AGBL4: variants seen among roughly 807,000 people sequenced by gnomAD.
AGBL4 encodes AGBL carboxypeptidase 4.
AGBL4 carries 58 observed loss-of-function variants against 66.4 expected under a neutral mutation model. The ratio of observed to expected loss-of-function variants is 0.87; its 90% confidence interval spans 0.71 to 1.09. The LOEUF is 1.09. Among genes scored for constraint, AGBL4 ranks in the 50% least tolerant of loss-of-function variants. AGBL4 has a pLI of 0.00. For synonymous variants in AGBL4, 234 were observed against 222.9 expected (o/e 1.05, Z -0.44); for missense variants, 579 against 631.0 (o/e 0.92, Z 0.88).
chr1:49,843,057 T>A (rs1434831878), intron 2 of AGBL4, among the ~76,000 whole-genome samples: 1 of 152,120 alleles, frequency 6.6e-6, no homozygotes, highest in African/African-American at 2.4e-5. Flanking sequence ...CCCATTGGCA[T>A]CAGGTGGGAA....
At chr1:49,198,350 A>T (rs916253409) in intron 4 of AGBL4, among the ~76,000 whole-genome samples, 3 of 151,970 alleles carry the variant, frequency 2.0e-5, no homozygotes, top group Non-Finnish European at 2.9e-5. Flanking sequence ...TTAATTAATT[A>T]ATTTATTCGA....
chr1:49,020,761 C>A (rs1316638208), intron 5 of AGBL4, among the ~76,000 whole-genome samples: 1 of 152,124 alleles, frequency 6.6e-6, no homozygotes, highest in Non-Finnish European at 1.5e-5. Flanking sequence ...TTTGCCTGTA[C>A]CTTCATCTGC....
intron 2 of AGBL4, among the ~76,000 whole-genome samples, chr1:49,796,597 G>A (rs2147939091): frequency 6.6e-6 from 1 of 150,752 alleles, no homozygotes; most frequent in South Asian, 2.1e-4. Context: ...GTATAATAAA[G>A]TGAAAAGCAC....
In AGBL4 at chr1:49,211,464, C is replaced by A. The variant is rs1466288232; in HGVS notation, c.377+34306G>T. Among the ~76,000 whole-genome samples, 2 of 152,108 alleles carry A rather than the reference C, an allele frequency of 1.3e-5. 1 individual carries two copies. Among genetic ancestry groups the A allele is most frequent in the East Asian group, 3.9e-4 (2 of 5,150 alleles). On this transcript the variant is annotated intron_variant, in intron 4 of 13. Coordinates refer to ENST00000371839, the MANE Select transcript of AGBL4 (RefSeq NM_032785.4). Reference sequence around the variant, plus strand: ...TTCTTCATGTGTAAAATAGGGATAACAATCTTATAGGGTTTTTATGAAAAT... The same window carrying A: ...TTCTTCATGTGTAAAATAGGGATAAAAATCTTATAGGGTTTTTATGAAAAT...
chr1:49,207,744 C>T (rs2148247601), intron 4 of AGBL4, among the ~76,000 whole-genome samples: 1 of 151,634 alleles, frequency 6.6e-6, no homozygotes, highest in Non-Finnish European at 1.5e-5. Flanking sequence ...GCACATACCA[C>T]CATGGCTGGC....
At chr1:48,671,364 C>G (rs2148467121) in intron 6 of AGBL4, among the ~76,000 whole-genome samples, 2 of 152,362 alleles carry the variant, frequency 1.3e-5, no homozygotes, top group African/African-American at 4.8e-5. Context: ...GACACTGTCC[C>G]TGCCATCCAG....
intron 5 of AGBL4, among the ~76,000 whole-genome samples, chr1:48,995,556 C>T (rs149548150): frequency 2.6e-4 from 39 of 152,192 alleles, no homozygotes; most frequent in Non-Finnish European, 5.4e-4. Context: ...GCTACTAATA[C>T]GTTATGAAGA....
chr1:50,009,728 G>A (rs538241894), intron 1 of AGBL4, among the ~76,000 whole-genome samples: 22 of 150,858 alleles, frequency 1.5e-4, no homozygotes, highest in Admixed American at 1.3e-3. Flanking sequence ...AATTATTATT[G>A]TTTGTAGATG....
intron 3 of AGBL4, among the ~76,000 whole-genome samples, chr1:49,624,109 T>G (rs1395950559): frequency 6.6e-6 from 1 of 152,062 alleles, no homozygotes; most frequent in Non-Finnish European, 1.5e-5. Context: ...ATTCAATAAA[T>G]GTGAGACATT....
At chr1:48,683,070 T>C (rs540453986) in intron 6 of AGBL4, among the ~76,000 whole-genome samples, 1 of 152,182 alleles carries the variant, frequency 6.6e-6, no homozygotes, top group Non-Finnish European at 1.5e-5. Context: ...TGGGTCCAAG[T>C]CATAGCTCTG....
intron 4 of AGBL4, among the ~76,000 whole-genome samples, chr1:49,243,791 T>TA (rs1283103052): frequency 6.6e-6 from 1 of 151,526 alleles, no homozygotes; most frequent in Non-Finnish European, 1.5e-5. Context: ...GATGGTAAGG[T>TA]AAAAAATAGG....
chr1:48,584,635 GAA>G (rs1644790425), intron 11 of AGBL4: 5 of 152,530 alleles, frequency 3.3e-5, no homozygotes, highest in Admixed American at 3.3e-4. Flanking sequence ...GGAATCGCTT[GAA>G]CCCAGGAGGC....
intron 6 of AGBL4, among the ~76,000 whole-genome samples, chr1:48,667,471 A>G (rs188563967): frequency 5.3e-5 from 8 of 152,238 alleles, no homozygotes; most frequent in Non-Finnish European, 8.8e-5. Flanking sequence ...TCCAGTGACT[A>G]TAGCCCTGAC....
rs989801506 is a variant in AGBL4, at chr1:48,653,473, G to T, written c.725-22C>A. 17 of 1,484,328 alleles carry T rather than the reference G, an allele frequency of 1.1e-5. No individual in the cohort carries two copies. The Middle Eastern group carries it at 6.9e-4, about 60-fold the overall frequency. The allele number at this position is 1,484,328 out of a possible 1,614,324, so 91.9% of individuals were successfully genotyped here. ...ATCCCTAGGGAAAGAGAAGAGCCCG[G>T]TTTAACAACAAAGCATTTCAAGAAG... On this transcript the variant is annotated intron_variant, in intron 7 of 13. Transcript: ENST00000371839.
chr1:49,316,178 C>T (rs1246279663), intron 3 of AGBL4, among the ~76,000 whole-genome samples: 3 of 151,886 alleles, frequency 2.0e-5, no homozygotes, highest in African/African-American at 7.2e-5. Flanking sequence ...CTGAATGAAA[C>T]TGTAATGATA....
At chr1:49,025,745 A>G (rs770560923) in intron 5 of AGBL4, 1 of 152,160 alleles carries the variant, frequency 6.6e-6, no homozygotes, top group African/African-American at 2.4e-5. Flanking sequence ...ATACAAAAAT[A>G]TCTCACAAAC....
intron 6 of AGBL4, among the ~76,000 whole-genome samples, chr1:48,721,566 G>A (rs1445164754): frequency 6.6e-6 from 1 of 152,182 alleles, no homozygotes; most frequent in Non-Finnish European, 1.5e-5. Flanking sequence ...GGTGAGGAGG[G>A]TCCCTGGCCC....
intron 3 of AGBL4, among the ~76,000 whole-genome samples, chr1:49,402,135 T>G (rs1040925197): frequency 2.6e-5 from 4 of 152,182 alleles, no homozygotes; most frequent in African/African-American, 9.6e-5. Flanking sequence ...ACTTTTTGTT[T>G]TATTGACTTT....
intron 6 of AGBL4, chr1:48,728,064 A>G: frequency 6.4e-7 from 1 of 1,566,020 alleles, no homozygotes; most frequent in Admixed American, 1.8e-5. Context: ...AGAAGAAACA[A>G]GGCCAAGGAT....
Sources: allele counts gnomAD v4.1 joint callset (sites outside exome capture counted in the v4.1 genomes callset), GRCh38; gene constraint gnomAD v4.1.1; transcripts MANE v1.5; gene names NCBI Gene and HGNC (gene_info 2026-07-23, HGNC 2026-07-21).